Variants in AP5M1 observed in about 807,000 individuals in gnomAD.
AP5M1 encodes AP-5 complex subunit mu-1.
Under a neutral mutation model 52.3 loss-of-function variants are expected in AP5M1, and 44 were observed. The observed-to-expected ratio is 0.84, with a 90% CI of 0.66 to 1.08. The LOEUF is 1.08. Among genes scored for constraint, AP5M1 ranks in the 50% least tolerant of loss-of-function variants. The pLI is 0.00. For missense variants in AP5M1, 526 were observed against 568.4 expected (o/e 0.93, Z 0.76); for synonymous variants, 213 against 199.0 (o/e 1.07, Z -0.59).
At position 57,295,309 on chromosome 14, in the gene AP5M1, GA is replaced by G. The variant is rs1885525907; in HGVS notation, c.*6426del. 1 of 151,880 alleles carries G rather than the reference GA, an allele frequency of 6.6e-6. No homozygotes were observed. Among genetic ancestry groups the G allele is most frequent in the African/African-American group, 2.4e-5 (1 of 41,398 alleles). The allele number at this position is 151,880 out of a possible 1,614,324, so 9.4% of individuals were successfully genotyped here. On this transcript the variant is annotated 3_prime_UTR_variant, in exon 8 of 8. Coordinates refer to ENST00000261558, the MANE Select transcript of AP5M1 (RefSeq NM_018229.4). ...TAGATCTTTTTGCAAGCAACATAAT[GA>G]TTCTGATCATCAACCTTGAAAAGTA... is the stretch of plus-strand genomic sequence containing the variant.
chr14:57,283,009 C>G lies in AP5M1; in HGVS notation c.1164C>G (p.Ile388Met), dbSNP rs751868632. 1 of 1,598,236 alleles carries G rather than the reference C, an allele frequency of 6.3e-7. No individual in the cohort carries two copies. Among genetic ancestry groups the G allele is most frequent in the African/African-American group, 1.3e-5 (1 of 74,344 alleles). The change falls in exon 5 of 8, where the codon ATC (isoleucine) becomes ATG (methionine). Residue 388 changes from isoleucine to methionine, a missense_variant. Physicochemically the swap from Ile to Met is conservative, Grantham distance 10 (BLOSUM62 1). Transcript: ENST00000261558. ...TATTTCGAGAGAAAAGCTTATTGAT[C>G]TGGATTATTGGTGAGCAAGTTTTAT... ...LEVFREKSLL[I>M]WIIGQKFPKS...
chr14:57,274,835 T>G lies in AP5M1; in HGVS notation c.666T>G (p.Tyr222Ter). Residue 222 changes from tyrosine (Y) to a stop codon, truncating the protein, a stop_gained, in exon 2 of 8, where the codon TAT becomes TAG. Transcript: ENST00000261558. LOFTEE classifies it high-confidence loss of function. ...CTGAAAAGGTAAAATCCATGCAATA[T>G]GATAAACAGGGTATAGCAGATACAT... ...SITEKVKSMQ[Y>*]DKQGIADTWQ... 1 of 1,614,220 alleles carries G rather than the reference T, an allele frequency of 6.2e-7. No homozygotes were observed. Among genetic ancestry groups the G allele is most frequent in the South Asian group, 1.1e-5 (1 of 91,088 alleles).
Position 57,298,378 on chromosome 14 carries a change from C to G in AP5M1, c.*9494C>G, listed in dbSNP as rs1029543870. On this transcript the variant is annotated 3_prime_UTR_variant, in exon 8 of 8. Coordinates refer to ENST00000261558, the MANE Select transcript of AP5M1 (RefSeq NM_018229.4). ...GAAAATAATACAGTCTTTGAAGTCA[C>G]ACAGGCCTGATTTCAAATCCCAGCT... The G allele has an allele frequency of 6.6e-6, 1 of 152,186 alleles. No individual in the cohort carries two copies. Among genetic ancestry groups the G allele is most frequent in the Admixed American group, 6.6e-5 (1 of 15,250 alleles). 9.4% of individuals were successfully genotyped at this position (152,186 alleles called of 1,614,324 possible).
In AP5M1 at chr14:57,290,220, C is replaced by A. The variant is rs1029371339; in HGVS notation, c.*1336C>A. On this transcript the variant is annotated 3_prime_UTR_variant, in exon 8 of 8. Transcript: ENST00000261558. ...ATATGATTTTTTAATTAAGGTCAGT[C>A]CTACTCATAAACTCATTTTCTGCAA... is the stretch of plus-strand genomic sequence containing the variant. 6.6e-6 allele frequency: 1 copy of A among 151,826 alleles called. No homozygotes were observed. Among genetic ancestry groups the A allele is most frequent in the African/African-American group, 2.4e-5 (1 of 41,364 alleles). 9.4% of individuals were successfully genotyped at this position (151,826 alleles called of 1,614,324 possible).
At chr14:57,280,123 T>A in intron 2 of AP5M1, 72 bp from the exon 3 acceptor site, 2 of 1,120,600 alleles carry the variant, frequency 1.8e-6, no homozygotes, top group Non-Finnish European at 2.7e-6. Flanking sequence ...ATGACTTTGA[T>A]AAATTTTGAA....
At chr14:57,274,137 T>C (rs1884959172) in intron 1 of AP5M1, 107 bp from the exon 2 acceptor site, 1 of 1,250,980 alleles carries the variant, frequency 8.0e-7, no homozygotes, top group East Asian at 2.4e-5. Context: ...TCTCGTGTAT[T>C]TTATTGTTAT....
At position 57,274,393 on chromosome 14, in the gene AP5M1, G is replaced by C. The variant is rs1293555117; in HGVS notation, c.224G>C (p.Cys75Ser). Residue 75 changes from cysteine to serine, a missense_variant, in exon 2 of 8, where the codon TGT becomes TCT. Around this residue, in one of 3 missense-constraint regions of AP5M1, gnomAD observed 425 missense variants for 430.6 expected, o/e 0.99. Coordinates refer to ENST00000261558, the MANE Select transcript of AP5M1 (RefSeq NM_018229.4). ...DKDFVESRDS[C>S]SRINKTSIYG... Reference sequence around the variant, plus strand: ...GACTTCGTTGAGAGTCGTGATAGCTGTTCACGCATCAATAAAACATCCATT... The same window carrying C: ...GACTTCGTTGAGAGTCGTGATAGCTCTTCACGCATCAATAAAACATCCATT... 2 of 1,614,148 alleles carry C rather than the reference G, an allele frequency of 1.2e-6. No homozygotes were observed. The highest frequency in any genetic ancestry group is 1.7e-6 in the Non-Finnish European group (2 of 1,180,036).
Position 57,293,686 on chromosome 14 carries a change from A to G in AP5M1, c.*4802A>G, listed in dbSNP as rs994739693. On this transcript the variant is annotated 3_prime_UTR_variant, in exon 8 of 8. Transcript: ENST00000261558. ...TCATATTTAATCAATAAAACAGGATATATTTTGAAATTCACCATCACAGAA... is the reference window on the plus strand; with the variant it reads ...TCATATTTAATCAATAAAACAGGATGTATTTTGAAATTCACCATCACAGAA... 1 of 151,618 alleles carries G rather than the reference A, an allele frequency of 6.6e-6. No homozygotes were observed. The highest frequency in any genetic ancestry group is 2.4e-5 in the African/African-American group (1 of 41,346). The allele number at this position is 151,618 out of a possible 1,614,324, so 9.4% of individuals were successfully genotyped here.
intron 2 of AP5M1, among the ~76,000 whole-genome samples, chr14:57,277,535 GATT>G (rs1482151615): frequency 6.6e-6 from 1 of 151,916 alleles, no homozygotes; most frequent in Non-Finnish European, 1.5e-5. Context: ...TTTAAAGTAA[GATT>G]ATTTGGCATA....
chr14:57,270,792 G>T (rs1884876989), intron 1 of AP5M1, among the ~76,000 whole-genome samples: 1 of 152,054 alleles, frequency 6.6e-6, no homozygotes, highest in Admixed American at 6.5e-5. Flanking sequence ...TTCATTGTAT[G>T]CATTTTTCAA....
Position 57,295,189 on chromosome 14 carries a change from T to C in AP5M1, c.*6305T>C, listed in dbSNP as rs1885523466. On this transcript the variant is annotated 3_prime_UTR_variant, in exon 8 of 8. Transcript: ENST00000261558. ...TATGAAACCAGAACTGGAGTGGTAA[T>C]GGCACTTCTGATTCAATTAACTTAC... The C allele has an allele frequency of 6.6e-6, 1 of 151,850 alleles. No individual in the cohort carries two copies. The highest frequency in any genetic ancestry group is 2.4e-5 in the African/African-American group (1 of 41,392). 9.4% of individuals were successfully genotyped at this position (151,850 alleles called of 1,614,324 possible). A position where few individuals can be genotyped will look rare whatever the true frequency, so the allele number is the denominator to read the frequency against.
At position 57,296,153 on chromosome 14, in the gene AP5M1, T is replaced by C. The variant is rs375547320; in HGVS notation, c.*7269T>C. On this transcript the variant is annotated 3_prime_UTR_variant, in exon 8 of 8. Transcript: ENST00000261558. ...TTAAATCACTCTTACACTTTAGAAA[T>C]TGAAATATAGTATTTAACAGGGATT... 2.0e-5 allele frequency: 3 copies of C among 152,178 alleles called. No homozygotes were observed. Among genetic ancestry groups the C allele is most frequent in the East Asian group, 3.9e-4 (2 of 5,186 alleles). The allele number at this position is 152,178 out of a possible 1,614,324, so 9.4% of individuals were successfully genotyped here.
intron 1 of AP5M1, 145 bp from the exon 2 acceptor site, chr14:57,274,099 C>T (rs1199156312): frequency 1.2e-6 from 1 of 862,624 alleles, no homozygotes; most frequent in Non-Finnish European, 1.7e-6. Flanking sequence ...TGGTTGTTGG[C>T]TTTTGTGGAT....
Position 57,274,696 on chromosome 14 carries a change from A to C in AP5M1, c.527A>C (p.Asn176Thr), listed in dbSNP as rs765964635. The C allele has an allele frequency of 1.2e-5, 20 of 1,614,202 alleles. No homozygotes were observed. In the South Asian group the frequency reaches 2.1e-4, roughly 17 times the overall value. Residue 176 changes from asparagine to threonine, a missense_variant, in exon 2 of 8, where the codon AAC becomes ACC. Physicochemically the swap from Asn to Thr is moderately conservative, Grantham distance 65. Coordinates refer to ENST00000261558, the MANE Select transcript of AP5M1 (RefSeq NM_018229.4). ...ACPFGTLLDA[N>T]LQNSLDNTNF... ...CCATTTGGTACTTTATTAGATGCCA[A>C]CTTACAGAATTCATTAGATAATACC...
chr14:57,277,260 C>T (rs975605423), intron 2 of AP5M1, among the ~76,000 whole-genome samples: 6 of 151,978 alleles, frequency 3.9e-5, no homozygotes, highest in African/African-American at 7.2e-5. Context: ...ACTGATGATC[C>T]GGCATTTTAA....
At chr14:57,286,146 G>T in intron 6 of AP5M1, 77 bp from the exon 7 acceptor site, 1 of 950,370 alleles carries the variant, frequency 1.1e-6, no homozygotes, top group South Asian at 1.4e-5. Flanking sequence ...CCCTAAGACT[G>T]GGTTAAGGGA....
rs897151733 is a variant in AP5M1, at chr14:57,293,723, A to G, written c.*4839A>G. The G allele has an allele frequency of 7.9e-5, 12 of 151,582 alleles. No individual in the cohort carries two copies. Among genetic ancestry groups the G allele is most frequent in the African/African-American group, 2.7e-4 (11 of 41,254 alleles). 9.4% of individuals were successfully genotyped at this position (151,582 alleles called of 1,614,324 possible). On this transcript the variant is annotated 3_prime_UTR_variant, in exon 8 of 8. Coordinates refer to ENST00000261558, the MANE Select transcript of AP5M1 (RefSeq NM_018229.4). ...TCACCATCACAGAATATATATATAT[A>G]TACACACAACATATATATACAAGTA...
At position 57,298,512 on chromosome 14, in the gene AP5M1, T is replaced by C. The variant is rs1373425699; in HGVS notation, c.*9628T>C. The C allele has an allele frequency of 6.6e-6, 1 of 152,188 alleles. No homozygotes were observed. The highest frequency in any genetic ancestry group is 1.5e-5 in the Non-Finnish European group (1 of 68,032). 9.4% of individuals were successfully genotyped at this position (152,188 alleles called of 1,614,324 possible). The stretch of plus-strand genomic sequence containing the variant: ...GTGAGCATTGAATGATACCAAGTTA[T>C]AAGTGCATAGGTATTCAATCAGTGT... On this transcript the variant is annotated 3_prime_UTR_variant, in exon 8 of 8. Transcript: ENST00000261558.
In AP5M1 at chr14:57,297,522, C is replaced by T. The variant is rs890921395; in HGVS notation, c.*8638C>T. ...ATTTTTCTTTAGGATAGTTCACATCCAGTAGAACTTCTACCTTGGAAAACA... is the reference window on the plus strand; with the variant it reads ...ATTTTTCTTTAGGATAGTTCACATCTAGTAGAACTTCTACCTTGGAAAACA... On this transcript the variant is annotated 3_prime_UTR_variant, in exon 8 of 8. Coordinates refer to ENST00000261558, the MANE Select transcript of AP5M1 (RefSeq NM_018229.4). The T allele has an allele frequency of 2.6e-5, 4 of 152,008 alleles. No homozygotes were observed. The highest frequency in any genetic ancestry group is 1.9e-4 in the East Asian group (1 of 5,184). The allele number at this position is 152,008 out of a possible 1,614,324, so 9.4% of individuals were successfully genotyped here.
Sources: allele counts gnomAD v4.1 joint callset (sites outside exome capture counted in the v4.1 genomes callset), GRCh38; gene constraint gnomAD v4.1.1; regional missense constraint gnomAD v4.1.1; transcripts MANE v1.5; gene names NCBI Gene and HGNC (gene_info 2026-07-23, HGNC 2026-07-21).